MYO5A: variants seen among roughly 807,000 people sequenced by gnomAD.
MYO5A encodes myosin VA.
Under a neutral mutation model 249.7 loss-of-function variants are expected in MYO5A, and 98 were observed. The ratio of observed to expected loss-of-function variants is 0.39; its 90% confidence interval spans 0.33 to 0.46. MYO5A has a LOEUF of 0.46. Among genes scored for constraint, MYO5A ranks in the 20% least tolerant of loss-of-function variants. MYO5A has a pLI of 0.98. For missense variants in MYO5A, 1,696 were observed against 2,308.8 expected (o/e 0.73, Z 5.44); for synonymous variants, 778 against 810.6 (o/e 0.96, Z 0.68).
chr15:52,460,032 T>A (rs1399342089), intron 1 of MYO5A, among the ~76,000 whole-genome samples: 5 of 144,466 alleles, frequency 3.5e-5, no homozygotes, highest in Admixed American at 2.7e-4. Flanking sequence ...GCAGAGGCAC[T>A]CTTTATATCT....
At chr15:52,319,685 C>CACAT (rs1241493267) in intron 38 of MYO5A, among the ~76,000 whole-genome samples, 6 of 152,074 alleles carry the variant, frequency 3.9e-5, no homozygotes, top group Non-Finnish European at 7.3e-5. Flanking sequence ...GAGCTGAGAC[C>CACAT]ACATATCTGG....
At chr15:52,484,392 T>C (rs1440192192) in intron 1 of MYO5A, among the ~76,000 whole-genome samples, 2 of 151,972 alleles carry the variant, frequency 1.3e-5, no homozygotes, top group Non-Finnish European at 2.9e-5. Flanking sequence ...GAGGATAGAG[T>C]AGATATTAAA....
intron 1 of MYO5A, among the ~76,000 whole-genome samples, chr15:52,461,421 T>C (rs761941791): frequency 1.2e-4 from 18 of 152,168 alleles, no homozygotes; most frequent in Non-Finnish European, 2.5e-4. Context: ...ACAAAAATAC[T>C]GTAATTTGCT....
chr15:52,528,286 C>T (rs2077761899), intron 1 of MYO5A, among the ~76,000 whole-genome samples: 1 of 152,176 alleles, frequency 6.6e-6, no homozygotes, highest in Non-Finnish European at 1.5e-5. Context: ...GTGATACGGC[C>T]ACCGTTTGCA....
At chr15:52,503,237 C>T (rs773789271) in intron 1 of MYO5A, among the ~76,000 whole-genome samples, 2 of 152,054 alleles carry the variant, frequency 1.3e-5, no homozygotes, top group Non-Finnish European at 2.9e-5. Context: ...ATGGCTATCC[C>T]AATTACACTG....
intron 1 of MYO5A, among the ~76,000 whole-genome samples, chr15:52,450,260 G>A (rs1017857100): frequency 2.0e-5 from 3 of 152,022 alleles, no homozygotes; most frequent in African/African-American, 7.2e-5. Flanking sequence ...CCACATAGGG[G>A]TATCATGAAG....
chr15:52,424,822 G>C (rs2075359282), intron 4 of MYO5A, among the ~76,000 whole-genome samples: 1 of 152,108 alleles, frequency 6.6e-6, no homozygotes, highest in Non-Finnish European at 1.5e-5. Context: ...ATTACTAAGA[G>C]CATAATCTAG....
chr15:52,313,873 A>C (rs1214042512), intron 41 of MYO5A, 25 bp from the exon 42 acceptor site: 1 of 1,612,730 alleles, frequency 6.2e-7, no homozygotes, highest in African/African-American at 1.3e-5. Context: ...AAAAAAAATA[A>C]ACAGAGCATC....
chr15:52,460,054 G>T (rs1483430129), intron 1 of MYO5A, among the ~76,000 whole-genome samples: 1 of 151,012 alleles, frequency 6.6e-6, no homozygotes, highest in East Asian at 2.0e-4. Context: ...AGACGGGGCG[G>T]CGGGGCAGAG....
intron 4 of MYO5A, among the ~76,000 whole-genome samples, chr15:52,419,685 T>A (rs1262557451): frequency 6.6e-6 from 1 of 152,216 alleles, no homozygotes; most frequent in African/African-American, 2.4e-5. Context: ...AGATACTTGC[T>A]GAGGTCACTC....
intron 1 of MYO5A, among the ~76,000 whole-genome samples, chr15:52,459,147 A>ATT (rs531798708): frequency 9.3e-4 from 60 of 64,290 alleles, no homozygotes; most frequent in African/African-American, 2.9e-3. Flanking sequence ...TTTTCCAGAA[A>ATT]TTTTTTTTTT....
chr15:52,408,491 T>A (rs1398345155), intron 6 of MYO5A, among the ~76,000 whole-genome samples: 1 of 152,164 alleles, frequency 6.6e-6, no homozygotes, highest in Non-Finnish European at 1.5e-5. Flanking sequence ...TAATGGTACC[T>A]CTTAGATTCA....
chr15:52,474,113 G>C (rs973014372), intron 1 of MYO5A, among the ~76,000 whole-genome samples: 24 of 152,144 alleles, frequency 1.6e-4, no homozygotes, highest in African/African-American at 5.8e-4. Context: ...CATGTCCCTT[G>C]TAAGTTGGAT....
At chr15:52,399,256 TAAGTATATAG>T (rs1316302893) in intron 9 of MYO5A, among the ~76,000 whole-genome samples, 1 of 152,228 alleles carries the variant, frequency 6.6e-6, no homozygotes, top group Non-Finnish European at 1.5e-5. Context: ...GCTATGTCAT[TAAGTATATAG>T]AAGTTTAGCA....
intron 36 of MYO5A, among the ~76,000 whole-genome samples, chr15:52,324,347 T>C (rs1410722199): frequency 1.3e-5 from 2 of 152,058 alleles, no homozygotes; most frequent in Non-Finnish European, 2.9e-5. Flanking sequence ...CTGAAAAAGA[T>C]GTGAGGGCTG....
chr15:52,473,522 T>A (rs969852501), intron 1 of MYO5A, among the ~76,000 whole-genome samples: 33 of 152,168 alleles, frequency 2.2e-4, no homozygotes, highest in Admixed American at 5.9e-4. Flanking sequence ...GTTTTTATGG[T>A]TTTAGGTCTT....
At chr15:52,405,480 T>C in intron 8 of MYO5A, 87 bp from the exon 9 acceptor site, 1 of 936,332 alleles carries the variant, frequency 1.1e-6, no homozygotes, top group South Asian at 1.4e-5. Flanking sequence ...CTATTGTTAA[T>C]TCCTGAATAT....
At chr15:52,331,669 GGAA>G (rs2038894406) in intron 34 of MYO5A, 19 of 985,304 alleles carry the variant, frequency 1.9e-5, no homozygotes, top group Non-Finnish European at 2.3e-5. Context: ...CAGTCCCACA[GGAA>G]GAGGTTATCA....
chr15:52,320,830 G>A (rs544147403), intron 38 of MYO5A, among the ~76,000 whole-genome samples: 1 of 152,016 alleles, frequency 6.6e-6, no homozygotes, highest in Non-Finnish European at 1.5e-5. Flanking sequence ...TGGCTAACAC[G>A]GTGAAACCCC....
Sources: gnomAD v4.1 joint callset for allele counts (sites outside exome capture counted in the v4.1 genomes callset) on GRCh38, gnomAD v4.1.1 for gene constraint, MANE v1.5 for transcripts, NCBI Gene and HGNC (gene_info 2026-07-23, HGNC 2026-07-21) for gene names.